Variants in FMNL3 observed in about 807,000 individuals in gnomAD.
The protein encoded by FMNL3 is formin like 3.
FMNL3 carries 57 observed loss-of-function variants against 119.6 expected under a neutral mutation model. The observed-to-expected ratio is 0.48, with a 90% confidence interval of 0.39 to 0.59. The LOEUF (loss-of-function observed/expected upper bound fraction) is 0.59. FMNL3 is among the 20% of genes least tolerant of loss of function. The pLI, the probability that FMNL3 is intolerant of heterozygous loss-of-function variation, is 0.00. For missense variants in FMNL3, 1,053 were observed against 1,323.5 expected (o/e 0.80, Z 3.17); for synonymous variants, 491 against 507.3 (o/e 0.97, Z 0.43).
intron 2 of FMNL3, 109 bp from the exon 3 acceptor site, chr12:49,666,316 C>T (rs1707348745): frequency 1.1e-6 from 1 of 943,270 alleles, no homozygotes; most frequent in Non-Finnish European, 1.6e-6. Flanking sequence ...GACTCAGCCT[C>T]TCCAAGTTGT....
chr12:49,647,809 G>A lies in FMNL3; in HGVS notation c.2677-5C>T. 1 of 1,611,538 alleles carries A rather than the reference G, an allele frequency of 6.2e-7. No individual in the cohort carries two copies. The highest frequency in any genetic ancestry group is 8.5e-7 in the Non-Finnish European group (1 of 1,177,706). The stretch of plus-strand genomic sequence containing the variant: ...CACAACTGCATTGTAGGCCTCCTGG[G>A]GAAGGGGTGGGCAGAATGGGTCACC... On this transcript the variant is annotated splice_polypyrimidine_tract_variant and splice_region_variant and intron_variant, in intron 22 of 25. Coordinates refer to ENST00000335154, the MANE Select transcript of FMNL3 (RefSeq NM_175736.5). The surrounding 1 kb of genome is among the most constrained non-coding windows in gnomAD (Gnocchi z 4.9).
chr12:49,649,631 C>G lies in FMNL3; in HGVS notation c.2235+60G>C. On this transcript the variant is annotated intron_variant, in intron 18 of 25. Transcript: ENST00000335154. The surrounding 1 kb of genome is among the most constrained non-coding windows in gnomAD (Gnocchi z 5.6). ...AGGACTGGAAGGGCAGGGGAGGTGA[C>G]TAGCAGATGGAGGGTGGAGGGACAG... 1 of 1,611,206 alleles carries G rather than the reference C, an allele frequency of 6.2e-7. No homozygotes were observed. The highest frequency in any genetic ancestry group is 8.5e-7 in the Non-Finnish European group (1 of 1,177,502).
At chr12:49,693,615 C>T (rs550064726) in intron 1 of FMNL3, among the ~76,000 whole-genome samples, 3 of 146,330 alleles carry the variant, frequency 2.1e-5, no homozygotes, top group Admixed American at 6.8e-5. Context: ...GTGATCCACC[C>T]GCCTCAGCCT....
chr12:49,665,671 C>A (rs1197410864), intron 4 of FMNL3, among the ~76,000 whole-genome samples, 161 bp downstream of exon 4: 1 of 152,204 alleles, frequency 6.6e-6, no homozygotes, highest in African/African-American at 2.4e-5. Context: ...CAGTAAAGAA[C>A]CAGTCCAAAG....
rs1942649060 is a variant in FMNL3 at position 49,641,522 on chromosome 12, A to G, written c.*4293T>C. ...GTACCTGGTACATAGTAAGCACTCA[A>G]TAAATAGACCCAAAGGGTAGGGGCC... On this transcript the variant is annotated 3_prime_UTR_variant, in exon 26 of 26. Coordinates refer to ENST00000335154, the MANE Select transcript of FMNL3 (RefSeq NM_175736.5). 4.4e-6 allele frequency: 1 copy of G among 229,560 alleles called. No homozygotes were observed. Among genetic ancestry groups the G allele is most frequent in the Non-Finnish European group, 8.6e-6 (1 of 116,192 alleles). The allele number at this position is 229,560 out of a possible 1,614,324, so 14.2% of individuals were successfully genotyped here. A position where few individuals can be genotyped will look rare whatever the true frequency, so the allele number is the denominator to read the frequency against.
intron 1 of FMNL3, among the ~76,000 whole-genome samples, chr12:49,689,389 T>C (rs1944546024): frequency 6.6e-6 from 1 of 152,188 alleles, no homozygotes; most frequent in Non-Finnish European, 1.5e-5. Flanking sequence ...TACCAACTAT[T>C]CTCTATTCCC....
chr12:49,642,182 AC>A lies in FMNL3; in HGVS notation c.*3632del. 8.1e-6 allele frequency: 13 copies of A among 1,613,460 alleles called. No individual in the cohort carries two copies. The highest frequency in any genetic ancestry group is 1.1e-5 in the Non-Finnish European group (13 of 1,179,668). ...ACCTCCTAAGGTATGCCTGAGTGGG[AC>A]CTGGCATCCACCCTCCTGGGTGACC... On this transcript the variant is annotated 3_prime_UTR_variant, in exon 26 of 26. Transcript: ENST00000335154. The surrounding 1 kb of genome is among the most constrained non-coding windows in gnomAD (Gnocchi z 5.8).
chr12:49,677,773 T>C (rs528347558), intron 1 of FMNL3, among the ~76,000 whole-genome samples: 32 of 152,310 alleles, frequency 2.1e-4, no homozygotes, highest in Middle Eastern at 3.4e-3. Context: ...GCACATACAC[T>C]ACTGTGGGAT....
chr12:49,658,437 C>T lies in FMNL3; in HGVS notation c.605+5G>A. The T allele has an allele frequency of 1.3e-6, 2 of 1,591,038 alleles. No homozygotes were observed. The highest frequency in any genetic ancestry group is 1.3e-5 in the African/African-American group (1 of 74,450). On this transcript the variant is annotated splice_donor_5th_base_variant and intron_variant, in intron 6 of 25. Coordinates refer to ENST00000335154, the MANE Select transcript of FMNL3 (RefSeq NM_175736.5). The stretch of plus-strand genomic sequence containing the variant: ...GGCAGGTGGGCAGAGCAAAAGCACA[C>T]ATACCGGAGCACAGACTGGCGCGCA...
rs1480133256 is a variant in FMNL3 at position 49,637,368 on chromosome 12, G to T, written c.*8447C>A. ...CTCTTGCCTGCATTTCCTCAATCTTGATTGTCCCTGCCTCTTCCTCTGCCA... is the reference window on the plus strand; with the variant it reads ...CTCTTGCCTGCATTTCCTCAATCTTTATTGTCCCTGCCTCTTCCTCTGCCA... On this transcript the variant is annotated 3_prime_UTR_variant, in exon 26 of 26. Coordinates refer to ENST00000335154, the MANE Select transcript of FMNL3 (RefSeq NM_175736.5). 3 of 751,678 alleles carry T rather than the reference G, an allele frequency of 4.0e-6. No homozygotes were observed. The African/African-American group carries it at 5.2e-5, about 13-fold the overall frequency. 46.6% of individuals were successfully genotyped at this position (751,678 alleles called of 1,614,324 possible).
At chr12:49,657,036 TGAGGCAGAAGAAGTA>T in intron 7 of FMNL3, 31 bp downstream of exon 7, 1 of 1,585,242 alleles carries the variant, frequency 6.3e-7, no homozygotes, top group Middle Eastern at 1.7e-4. Context: ...GTTTTGCAGA[TGAGGCAGAAGAAGTA>T]GAGCACCTAT....
intron 1 of FMNL3, among the ~76,000 whole-genome samples, chr12:49,692,435 C>G (rs1450277025): frequency 6.6e-6 from 1 of 152,020 alleles, no homozygotes; most frequent in Non-Finnish European, 1.5e-5. Context: ...ATTCAACCAA[C>G]TCAAAGCTTA....
Position 49,642,473 on chromosome 12 carries a change from T to A in FMNL3, c.*3342A>T. On this transcript the variant is annotated 3_prime_UTR_variant, in exon 26 of 26. Coordinates refer to ENST00000335154, the MANE Select transcript of FMNL3 (RefSeq NM_175736.5). The surrounding 1 kb of genome is among the most constrained non-coding windows in gnomAD (Gnocchi z 5.8). ...AGTCACGTCACAGCCCTGGGCCAGCTCCAGTTCCCTTCCTTTCTCTGCCCC... is the reference window on the plus strand; with the variant it reads ...AGTCACGTCACAGCCCTGGGCCAGCACCAGTTCCCTTCCTTTCTCTGCCCC... The A allele has an allele frequency of 6.4e-7, 1 of 1,572,972 alleles. No individual in the cohort carries two copies. The highest frequency in any genetic ancestry group is 8.7e-7 in the Non-Finnish European group (1 of 1,145,638).
chr12:49,694,586 T>C (rs1346575593), intron 1 of FMNL3, among the ~76,000 whole-genome samples: 2 of 152,132 alleles, frequency 1.3e-5, no homozygotes, highest in Non-Finnish European at 2.9e-5. Flanking sequence ...ACATAGTCAG[T>C]CTTCAAAATT....
chr12:49,663,044 CAG>C (rs1565878001), intron 4 of FMNL3, among the ~76,000 whole-genome samples: 1 of 152,214 alleles, frequency 6.6e-6, no homozygotes, highest in Non-Finnish European at 1.5e-5. Context: ...CCCCAAACTA[CAG>C]AGAGACTCTG....
intron 14 of FMNL3, 30 bp from the exon 15 acceptor site, chr12:49,651,480 C>T: frequency 6.9e-7 from 1 of 1,447,922 alleles, no homozygotes; most frequent in Non-Finnish European, 9.1e-7. Context: ...CACAGTGACC[C>T]AGGCGTCAAG....
In FMNL3 at chr12:49,643,112, A is replaced by C; in HGVS notation, c.*2703T>G. ...CCTTACAATATCTCCCTTGGAGGGA[A>C]GTTTGAGGATTCCTTTGGCCCTGGG... is the stretch of plus-strand genomic sequence containing the variant. On this transcript the variant is annotated 3_prime_UTR_variant, in exon 26 of 26. Transcript: ENST00000335154. 6.3e-7 allele frequency: 1 copy of C among 1,583,392 alleles called. No individual in the cohort carries two copies.
At chr12:49,654,348 G>A (rs755270300) in intron 10 of FMNL3, 46 bp from the exon 11 acceptor site, 2 of 1,529,290 alleles carry the variant, frequency 1.3e-6, no homozygotes, top group Non-Finnish European at 1.8e-6. Context: ...AAGGGCAGAG[G>A]AAAGGCAAGA....
At chr12:49,693,406 C>A (rs1311623836) in intron 1 of FMNL3, among the ~76,000 whole-genome samples, 2 of 151,086 alleles carry the variant, frequency 1.3e-5, no homozygotes, top group East Asian at 3.9e-4. Flanking sequence ...TTGAGATAGT[C>A]TCGCTCTGTC....
Sources: allele counts gnomAD v4.1 joint callset (sites outside exome capture counted in the v4.1 genomes callset), GRCh38; gene constraint gnomAD v4.1.1; non-coding constraint Gnocchi (gnomAD v3.1); transcripts MANE v1.5; gene names NCBI Gene and HGNC (gene_info 2026-07-23, HGNC 2026-07-21).